Variants in CDH18 observed in about 807,000 individuals in gnomAD.
CDH18 encodes cadherin 18.
CDH18 carries 31 observed loss-of-function variants against 67.9 expected under a neutral mutation model. The ratio of observed to expected loss-of-function variants is 0.46; its 90% confidence interval spans 0.34 to 0.62. The LOEUF (loss-of-function observed/expected upper bound fraction) is 0.62, where lower values mean the gene tolerates loss of function less well. Ranked by LOEUF, CDH18 falls within the 20% of genes least tolerant of loss-of-function variation. The pLI is 0.01. For missense variants in CDH18, 890 were observed against 975.5 expected (o/e 0.91, Z 1.17); for synonymous variants, 362 against 347.2 (o/e 1.04, Z -0.48).
At chr5:20,082,221 T>C (rs1383884421) in intron 2 of CDH18, among the ~76,000 whole-genome samples, 1 of 152,144 alleles carries the variant, frequency 6.6e-6, no homozygotes, top group Admixed American at 6.5e-5. Context: ...TCCTCCATTA[T>C]TTATATAAGA....
chr5:19,665,494 T>C (rs1367079846), intron 5 of CDH18, among the ~76,000 whole-genome samples: 1 of 152,120 alleles, frequency 6.6e-6, no homozygotes, highest in Non-Finnish European at 1.5e-5. Context: ...ATTTCATTCG[T>C]GTTGGTTAGA....
intron 2 of CDH18, among the ~76,000 whole-genome samples, chr5:19,876,540 C>T (rs752408889): frequency 2.2e-4 from 33 of 152,016 alleles, no homozygotes; most frequent in Non-Finnish European, 4.3e-4. Context: ...CTCCTTTTCC[C>T]AGGAGGGAAT....
intron 8 of CDH18, among the ~76,000 whole-genome samples, chr5:19,556,763 G>A (rs529501077): frequency 4.0e-4 from 61 of 152,158 alleles, no homozygotes; most frequent in African/African-American, 1.2e-3. Flanking sequence ...TCAAATACAA[G>A]AAGCTCAAAG....
chr5:19,542,725 G>A (rs1750469454), intron 9 of CDH18, among the ~76,000 whole-genome samples: 1 of 152,010 alleles, frequency 6.6e-6, no homozygotes, highest in Admixed American at 6.6e-5. Context: ...TATAGAGACA[G>A]AAAGTCAATT....
intron 3 of CDH18, among the ~76,000 whole-genome samples, chr5:19,751,311 A>G (rs1490152051): frequency 1.3e-5 from 2 of 152,230 alleles, no homozygotes; most frequent in Non-Finnish European, 2.9e-5. Context: ...ATTCATTTAC[A>G]AAGTTCAGTT....
At chr5:19,959,719 T>A (rs1796603051) in intron 2 of CDH18, among the ~76,000 whole-genome samples, 2 of 152,052 alleles carry the variant, frequency 1.3e-5, no homozygotes, top group Admixed American at 1.3e-4. Flanking sequence ...ATGCATCCCT[T>A]AATGACAGGA....
chr5:20,269,427 TTATCA>T (rs1193955680), intron 1 of CDH18, among the ~76,000 whole-genome samples: 7 of 152,178 alleles, frequency 4.6e-5, no homozygotes, highest in Admixed American at 3.9e-4. Flanking sequence ...ACTCCTGTGT[TTATCA>T]CAGCACTATT....
At position 20,448,458 on chromosome 5, in the gene CDH18, T is replaced by A. The variant is rs957234562; in HGVS notation, c.-580+127004A>T. ...TAAACTTTATTTTTTCTTAATTTTT[T>A]AAAAAATGTATTTATTAGCTATAGC... is the stretch of plus-strand genomic sequence containing the variant. On this transcript the variant is annotated intron_variant, in intron 1 of 14. Transcript: ENST00000507958. 4.0e-4 allele frequency among the ~76,000 whole-genome samples: 61 copies of A among 152,266 alleles called. 1 individual carries two copies. Among genetic ancestry groups the A allele is most frequent in the East Asian group, 1.9e-3 (10 of 5,182 alleles).
chr5:20,266,043 T>A (rs1389294053), intron 1 of CDH18, among the ~76,000 whole-genome samples: 4 of 152,158 alleles, frequency 2.6e-5, no homozygotes, highest in African/African-American at 9.7e-5. Context: ...AGAGGCACTC[T>A]CGGTTTTAGG....
At chr5:20,490,090 TATTA>T (rs1160582704) in intron 1 of CDH18, among the ~76,000 whole-genome samples, 6 of 150,620 alleles carry the variant, frequency 4.0e-5, no homozygotes, top group Non-Finnish European at 7.4e-5. Context: ...TTGTTAATAT[TATTA>T]ATAATACTAA....
chr5:20,363,167 G>T (rs1049782380), intron 1 of CDH18, among the ~76,000 whole-genome samples: 1 of 152,012 alleles, frequency 6.6e-6, no homozygotes. Flanking sequence ...AAATGCATTC[G>T]GATTATGTTA....
At chr5:19,703,006 A>G (rs1473899638) in intron 5 of CDH18, among the ~76,000 whole-genome samples, 3 of 151,602 alleles carry the variant, frequency 2.0e-5, no homozygotes, top group African/African-American at 4.8e-5. Context: ...TCTATAATTT[A>G]TAGAAACAAT....
At chr5:20,049,688 T>A (rs1167033044) in intron 2 of CDH18, among the ~76,000 whole-genome samples, 2 of 151,696 alleles carry the variant, frequency 1.3e-5, no homozygotes, top group African/African-American at 4.8e-5. Flanking sequence ...TAATAATGGA[T>A]CTCAATGGAT....
chr5:20,305,649 TG>T (rs1335790892), intron 1 of CDH18: 13 of 312,618 alleles, frequency 4.2e-5, no homozygotes, highest in Non-Finnish European at 6.0e-5. Context: ...GTCCGGGGGG[TG>T]GGGGGAGCGG....
chr5:20,546,855 T>C (rs567658019), intron 1 of CDH18, among the ~76,000 whole-genome samples: 1 of 152,346 alleles, frequency 6.6e-6, no homozygotes, highest in East Asian at 1.9e-4. Context: ...TTATTTGTTT[T>C]AAACTTTCTC....
intron 2 of CDH18, among the ~76,000 whole-genome samples, chr5:19,952,803 G>A (rs1795928508): frequency 7.0e-6 from 1 of 143,610 alleles, no homozygotes; most frequent in Non-Finnish European, 1.5e-5. Context: ...GAGGCATTTA[G>A]GGGAAATATT....
intron 1 of CDH18, among the ~76,000 whole-genome samples, chr5:20,394,263 A>G (rs1166132149): frequency 6.6e-6 from 1 of 152,052 alleles, no homozygotes; most frequent in Non-Finnish European, 1.5e-5. Flanking sequence ...ACAAATAGTT[A>G]CAACCAATTT....
chr5:20,167,474 G>A (rs971073885), intron 2 of CDH18, among the ~76,000 whole-genome samples: 1 of 149,826 alleles, frequency 6.7e-6, no homozygotes, highest in Non-Finnish European at 1.5e-5. Context: ...ATAAATTAAT[G>A]GATAAATAAT....
intron 5 of CDH18, among the ~76,000 whole-genome samples, chr5:19,663,177 T>C (rs1464485166): frequency 6.6e-6 from 1 of 151,980 alleles, no homozygotes; most frequent in Non-Finnish European, 1.5e-5. Flanking sequence ...CTAATGGACA[T>C]TTGTGGAACC....
Sources: allele counts gnomAD v4.1 joint callset (sites outside exome capture counted in the v4.1 genomes callset), GRCh38; gene constraint gnomAD v4.1.1; transcripts MANE v1.5; gene names NCBI Gene and HGNC (gene_info 2026-07-23, HGNC 2026-07-21).